The following CCDC88C variants were observed in gnomAD, a reference collection of about 807,000 sequenced individuals.
CCDC88C encodes the protein coiled-coil and HOOK domain protein 88C.
CCDC88C carries 131 observed loss-of-function variants against 198.8 expected under a neutral mutation model. The ratio of observed to expected loss-of-function variants is 0.66; its 90% CI spans 0.57 to 0.76. CCDC88C has a LOEUF of 0.76. Ranked by LOEUF, CCDC88C falls within the 30% of genes least tolerant of loss-of-function variation. CCDC88C has a pLI of 0.00. For synonymous variants in CCDC88C, 1,166 were observed against 1,114.7 expected (o/e 1.05, Z -0.92); for missense variants, 2,553 against 2,631.6 (o/e 0.97, Z 0.65).
At position 91,325,055 on chromosome 14, in the gene CCDC88C, A is replaced by T; in HGVS notation, c.1198-132T>A. 8.5e-7 allele frequency: 1 copy of T among 1,170,702 alleles called. No homozygotes were observed. The highest frequency in any genetic ancestry group is 2.5e-5 in the East Asian group (1 of 39,444). The allele number at this position is 1,170,702 out of a possible 1,614,324, so 72.5% of individuals were successfully genotyped here. On this transcript the variant is annotated intron_variant, in intron 11 of 29. Coordinates refer to ENST00000389857, the MANE Select transcript of CCDC88C (RefSeq NM_001080414.4). This position sits in a 1 kb window ranked among gnomAD's most constrained non-coding sequence, Gnocchi z 4.1. ...TACTGGCTCACTTCCAAATAAACAG[A>T]GCTGCACAGAAACATCCCAACACAG...
intron 17 of CCDC88C, 130 bp downstream of exon 17, chr14:91,308,221 T>C: frequency 9.4e-7 from 1 of 1,065,518 alleles, no homozygotes. Flanking sequence ...CCTCAGTCAC[T>C]CTGTGGCGCA....
intron 10 of CCDC88C, among the ~76,000 whole-genome samples, chr14:91,330,442 C>T (rs920466351): frequency 2.6e-5 from 4 of 152,158 alleles, no homozygotes; most frequent in African/African-American, 9.7e-5. Context: ...TGCAGCAGGA[C>T]AGACAGAGGC....
Position 91,313,592 on chromosome 14 carries a change from TC to T in CCDC88C, c.2223del (p.Lys742ArgfsTer23). 6.2e-7 allele frequency: 1 copy of T among 1,612,540 alleles called. No homozygotes were observed. Among genetic ancestry groups the T allele is most frequent in the Non-Finnish European group, 8.5e-7 (1 of 1,179,890 alleles). On this transcript the variant is annotated frameshift_variant, in exon 15 of 30. Transcript: ENST00000389857. LOFTEE classifies it high-confidence loss of function. This position sits in a 1 kb window ranked among gnomAD's most constrained non-coding sequence, Gnocchi z 5.2. ...AGCGCCTTGAGCAGATCCACGTTCT[TC>T]CTCAGCTCCTCCTTCTCACGCTCCA... The part of the protein sequence containing the change: ...QQLEREKEEL[R>X]KNVDLLKALG...
chr14:91,331,798 A>G (rs984218373), intron 10 of CCDC88C, among the ~76,000 whole-genome samples: 1 of 152,190 alleles, frequency 6.6e-6, no homozygotes, highest in African/African-American at 2.4e-5. Flanking sequence ...CATGCCCGAG[A>G]GCACCCCCTG....
At chr14:91,287,376 G>A (rs934428408) in intron 25 of CCDC88C, among the ~76,000 whole-genome samples, 1 of 152,056 alleles carries the variant, frequency 6.6e-6, no homozygotes, top group Non-Finnish European at 1.5e-5. Context: ...TTAGAGATGG[G>A]GTGTCACTCT....
chr14:91,286,248 TC>T (rs1282970274), intron 25 of CCDC88C, among the ~76,000 whole-genome samples: 6 of 152,144 alleles, frequency 3.9e-5, no homozygotes, highest in African/African-American at 7.2e-5. Context: ...CACACAATCC[TC>T]CCGTTCCCAC....
chr14:91,295,862 G>A (rs1890979598), intron 22 of CCDC88C, among the ~76,000 whole-genome samples: 1 of 152,190 alleles, frequency 6.6e-6, no homozygotes, highest in Admixed American at 6.5e-5. Context: ...AAGTTAAAAT[G>A]AGGCTGCCAT....
intron 15 of CCDC88C, among the ~76,000 whole-genome samples, chr14:91,310,188 A>G (rs1891757541): frequency 6.6e-6 from 1 of 151,686 alleles, no homozygotes; most frequent in South Asian, 2.1e-4. Flanking sequence ...GGTGCTGAAA[A>G]CAACCAGACC....
At chr14:91,353,591 G>A (rs1478366477) in intron 4 of CCDC88C, among the ~76,000 whole-genome samples, 1 of 152,214 alleles carries the variant, frequency 6.6e-6, no homozygotes, top group Admixed American at 6.5e-5. Context: ...TCTTTTATTT[G>A]GGGAGGTCAG....
At chr14:91,340,827 C>A (rs1463264281) in intron 6 of CCDC88C, among the ~76,000 whole-genome samples, 1 of 152,052 alleles carries the variant, frequency 6.6e-6, no homozygotes, top group Non-Finnish European at 1.5e-5. Flanking sequence ...CCTAGTAAGA[C>A]CCCATCTCTA....
intron 10 of CCDC88C, among the ~76,000 whole-genome samples, chr14:91,328,727 C>T (rs959978741): frequency 5.1e-4 from 77 of 152,298 alleles, no homozygotes; most frequent in African/African-American, 1.7e-3. Context: ...CAGGGTGACG[C>T]GGAGCTCGGA....
intron 4 of CCDC88C, among the ~76,000 whole-genome samples, chr14:91,354,469 G>A (rs1178641752): frequency 2.0e-5 from 3 of 152,190 alleles, no homozygotes; most frequent in East Asian, 1.9e-4. Context: ...ACCAGTAACC[G>A]CGAAAGATAT....
intron 14 of CCDC88C, among the ~76,000 whole-genome samples, chr14:91,315,393 C>G (rs1006676532): frequency 2.0e-5 from 3 of 152,112 alleles, no homozygotes; most frequent in South Asian, 4.2e-4. Context: ...GCCAGGAGCA[C>G]CACCCCCTCT....
intron 3 of CCDC88C, chr14:91,408,389 T>C: frequency 2.8e-6 from 1 of 363,608 alleles, no homozygotes; most frequent in South Asian, 3.0e-5. Context: ...GGGCAGAGGC[T>C]GCAAACTGAG....
intron 2 of CCDC88C, among the ~76,000 whole-genome samples, chr14:91,415,282 C>T (rs766547460): frequency 9.2e-5 from 14 of 152,140 alleles, no homozygotes; most frequent in Non-Finnish European, 1.8e-4. Context: ...GCTGTCAAAG[C>T]TGGCAACAGA....
intron 3 of CCDC88C, among the ~76,000 whole-genome samples, chr14:91,377,551 C>CCT (rs1555427087): frequency 6.6e-6 from 1 of 152,116 alleles, no homozygotes; most frequent in Admixed American, 6.5e-5. Context: ...GATGGCCCCC[C>CCT]CCCGGTGCCA....
At chr14:91,384,504 T>C (rs1026236573) in intron 3 of CCDC88C, 1 of 523,446 alleles carries the variant, frequency 1.9e-6, no homozygotes, top group Admixed American at 1.9e-5. Context: ...CTTCTTCCCC[T>C]TCCTCATCTG....
chr14:91,327,841 C>A (rs1892642751), intron 10 of CCDC88C, among the ~76,000 whole-genome samples: 1 of 152,212 alleles, frequency 6.6e-6, no homozygotes, highest in Non-Finnish European at 1.5e-5. Context: ...AACCACCGCA[C>A]AGGCTGCCTG....
rs963598671 is a variant in CCDC88C, at chr14:91,304,042, A to T, written c.3358-64T>A. On this transcript the variant is annotated intron_variant, in intron 19 of 29. Transcript: ENST00000389857. Reference sequence around the variant, plus strand: ...CAGTCAGCGAGGAGGGCTGGGGAGCAGGTCAAGTGCTCGAGCAGACACGAA... The same window carrying T: ...CAGTCAGCGAGGAGGGCTGGGGAGCTGGTCAAGTGCTCGAGCAGACACGAA... The T allele has an allele frequency of 3.2e-6, 5 of 1,553,680 alleles. No homozygotes were observed. In the Admixed American group the frequency reaches 5.2e-5, roughly 16 times the overall value.
Sources: gnomAD v4.1 joint callset for allele counts (sites outside exome capture counted in the v4.1 genomes callset) on GRCh38, gnomAD v4.1.1 for gene constraint, Gnocchi (gnomAD v3.1) non-coding constraint, MANE v1.5 for transcripts, NCBI Gene and HGNC (gene_info 2026-07-23, HGNC 2026-07-21) for gene names.